GALNT10: variants seen among roughly 807,000 people sequenced by gnomAD.
GALNT10 encodes GalNAc transferase 10.
A neutral mutation model predicts 75.0 loss-of-function variants in GALNT10; 41 were observed. That is an observed-to-expected ratio of 0.55 (90% CI 0.43 to 0.71). The LOEUF (loss-of-function observed/expected upper bound fraction) is 0.71, where lower values mean the gene tolerates loss of function less well. Among genes scored for constraint, GALNT10 ranks in the 30% least tolerant of loss-of-function variants. The pLI is 0.00. For synonymous variants in GALNT10, 302 were observed against 313.0 expected (o/e 0.96, Z 0.37); for missense variants, 727 against 818.5 (o/e 0.89, Z 1.36).
At chr5:154,307,972 CA>C (rs563510814) in intron 3 of GALNT10, among the ~76,000 whole-genome samples, 71 of 126,922 alleles carry the variant, frequency 5.6e-4, no homozygotes, top group African/African-American at 5.8e-4. Context: ...AAATATCTTC[CA>C]AAAAAAAAAA....
At chr5:154,226,834 C>T (rs1753070580) in intron 1 of GALNT10, among the ~76,000 whole-genome samples, 1 of 152,116 alleles carries the variant, frequency 6.6e-6, no homozygotes, top group Non-Finnish European at 1.5e-5. Flanking sequence ...TAACCTCTCC[C>T]TCCTGTCCCT....
chr5:154,410,485 G>C (rs1339706410), intron 9 of GALNT10, among the ~76,000 whole-genome samples: 1 of 152,270 alleles, frequency 6.6e-6, no homozygotes, highest in Middle Eastern at 3.4e-3. Context: ...CCAGGAGGTC[G>C]AGGTTCCAGT....
chr5:154,355,246 C>T (rs1237610412), intron 4 of GALNT10, among the ~76,000 whole-genome samples: 1 of 152,196 alleles, frequency 6.6e-6, no homozygotes, highest in East Asian at 1.9e-4. Flanking sequence ...CTTCCTGCTC[C>T]TCCCCCCTCA....
chr5:154,345,803 T>A (rs1217521034), intron 4 of GALNT10, among the ~76,000 whole-genome samples: 3 of 31,456 alleles, frequency 9.5e-5, no homozygotes, highest in Admixed American at 6.5e-4. Context: ...ACCCGGCGAA[T>A]TTTTTTTTTT....
Position 154,409,594 on chromosome 5 carries a change from C to T in GALNT10, c.1218C>T (p.Tyr406=), listed in dbSNP as rs1415335655. Residue 406 remains tyrosine, a synonymous_variant, in exon 9 of 12, where the codon TAC becomes TAT. Transcript: ENST00000297107. The surrounding 1 kb of genome is among the most constrained non-coding windows in gnomAD (Gnocchi z 4.5). ...TGGATGAGTACGCAGAGTACATTTACCAGCGCCGGCCTGAATACCGCCACC... is the reference window on the plus strand; with the variant it reads ...TGGATGAGTACGCAGAGTACATTTATCAGCGCCGGCCTGAATACCGCCACC... ...VWMDEYAEYI[Y]QRRPEYRHLS... 2 of 1,613,878 alleles carry T rather than the reference C, an allele frequency of 1.2e-6. No homozygotes were observed. Among genetic ancestry groups the T allele is most frequent in the Non-Finnish European group, 1.7e-6 (2 of 1,179,896 alleles).
intron 3 of GALNT10, among the ~76,000 whole-genome samples, chr5:154,302,574 G>C (rs964161991): frequency 6.6e-6 from 1 of 152,188 alleles, no homozygotes; most frequent in Non-Finnish European, 1.5e-5. Flanking sequence ...GCAGTTTCCG[G>C]TGCAAACCCC....
intron 4 of GALNT10, among the ~76,000 whole-genome samples, chr5:154,373,457 A>G (rs1462722603): frequency 1.3e-5 from 2 of 152,156 alleles, no homozygotes; most frequent in Non-Finnish European, 2.9e-5. Flanking sequence ...TGGCATCATC[A>G]TTTATAAACT....
At chr5:154,393,936 T>G (rs1012921210) in intron 7 of GALNT10, among the ~76,000 whole-genome samples, 3 of 152,132 alleles carry the variant, frequency 2.0e-5, no homozygotes, top group African/African-American at 4.8e-5. Context: ...TTGGGGCCAT[T>G]TGCAAGCTCT....
At chr5:154,213,218 G>A (rs1021820027) in intron 1 of GALNT10, among the ~76,000 whole-genome samples, 8 of 152,114 alleles carry the variant, frequency 5.3e-5, no homozygotes, top group Admixed American at 3.3e-4. Flanking sequence ...TCTTTGCATT[G>A]GTTTGTTATA....
intron 7 of GALNT10, among the ~76,000 whole-genome samples, chr5:154,399,317 C>G (rs527792860): frequency 6.6e-5 from 10 of 152,196 alleles, no homozygotes; most frequent in Non-Finnish European, 1.0e-4. Flanking sequence ...CCCCCTAGCC[C>G]GTCCTTGGAA....
rs7727254 is a variant in GALNT10, at chr5:154,215,340, G to A, written c.159+24315G>A. Among the ~76,000 whole-genome samples the A allele has an allele frequency of 6.9e-3, 1,053 of 152,240 alleles. 14 individuals are homozygous for A. Among genetic ancestry groups the A allele is most frequent in the African/African-American group, 0.024 (994 of 41,552 alleles). On this transcript the variant is annotated intron_variant, in intron 1 of 11. Coordinates refer to ENST00000297107, the MANE Select transcript of GALNT10 (RefSeq NM_198321.4). ...TACTAAAAAATACAAAAAATTAGCC[G>A]GGTGTGGTGGTGAGCACCTGTAGTC... is the stretch of plus-strand genomic sequence containing the variant.
intron 6 of GALNT10, among the ~76,000 whole-genome samples, chr5:154,385,364 A>G (rs1179430512): frequency 6.6e-6 from 1 of 151,924 alleles, no homozygotes; most frequent in Non-Finnish European, 1.5e-5. Context: ...GTACTGCATG[A>G]TTTGTCGTCT....
intron 3 of GALNT10, among the ~76,000 whole-genome samples, chr5:154,303,782 A>G (rs1291227889): frequency 6.6e-6 from 1 of 152,228 alleles, no homozygotes; most frequent in Non-Finnish European, 1.5e-5. Flanking sequence ...ATACATAAAT[A>G]TTCACTACTA....
chr5:154,271,140 A>G lies in GALNT10; in HGVS notation c.160-23676A>G, dbSNP rs115701707. 5.5e-3 allele frequency among the ~76,000 whole-genome samples: 845 copies of G among 152,276 alleles called. 6 individuals carry two copies. Among genetic ancestry groups the G allele is most frequent in the African/African-American group, 0.02 (821 of 41,540 alleles). On this transcript the variant is annotated intron_variant, in intron 1 of 11. Transcript: ENST00000297107. ...CTGGACAGATATTTGAGTCCTGTAA[A>G]TGAGGCTGGGGCTGTATGTAGATCT...
intron 1 of GALNT10, among the ~76,000 whole-genome samples, chr5:154,213,103 A>G (rs1487844554): frequency 6.6e-6 from 1 of 152,218 alleles, no homozygotes; most frequent in Non-Finnish European, 1.5e-5. Flanking sequence ...TATGCATATA[A>G]AACTATTCAA....
rs1360729668 is a variant in GALNT10, at chr5:154,415,631, A to C, written c.1504-152A>C. The stretch of plus-strand genomic sequence containing the variant: ...CTGGGTGAGCCACCGCACCTGGCCA[A>C]GTTAGTAACTTTTAAAGCTAGGTGG... On this transcript the variant is annotated intron_variant, in intron 10 of 11. Transcript: ENST00000297107. 4 of 752,640 alleles carry C rather than the reference A, an allele frequency of 5.3e-6. No individual in the cohort carries two copies. In the Admixed American group the frequency reaches 1.0e-4, roughly 20 times the overall value. The allele number at this position is 752,640 out of a possible 1,614,324, so 46.6% of individuals were successfully genotyped here.
intron 4 of GALNT10, among the ~76,000 whole-genome samples, chr5:154,345,924 T>C (rs1437271178): frequency 7.1e-6 from 1 of 141,388 alleles, no homozygotes; most frequent in Admixed American, 7.1e-5. Flanking sequence ...GGGACTACAG[T>C]TGTGCACCAC....
At chr5:154,223,372 A>C (rs1753011807) in intron 1 of GALNT10, among the ~76,000 whole-genome samples, 1 of 152,174 alleles carries the variant, frequency 6.6e-6, no homozygotes, top group African/African-American at 2.4e-5. Context: ...GACATGGGGG[A>C]CCTGGATTCA....
In GALNT10 at chr5:154,376,599, G is replaced by T; in HGVS notation, c.754+137G>T. ...CCCCCAGCACAATGCCAGGTGCCAT[G>T]AGGGATTCAGAAGTTCAGGAGTGCT... is the stretch of plus-strand genomic sequence containing the variant. On this transcript the variant is annotated intron_variant, in intron 5 of 11. Transcript: ENST00000297107. This position sits in a 1 kb window ranked among gnomAD's most constrained non-coding sequence, Gnocchi z 4.1. 1.7e-6 allele frequency: 1 copy of T among 586,620 alleles called. No individual in the cohort carries two copies. The allele number at this position is 586,620 out of a possible 1,614,324, so 36.3% of individuals were successfully genotyped here. A position where few individuals can be genotyped will look rare whatever the true frequency, so the allele number is the denominator to read the frequency against.
Sources: allele counts gnomAD v4.1 joint callset (sites outside exome capture counted in the v4.1 genomes callset), GRCh38; gene constraint gnomAD v4.1.1; non-coding constraint Gnocchi (gnomAD v3.1); transcripts MANE v1.5; gene names NCBI Gene and HGNC (gene_info 2026-07-23, HGNC 2026-07-21).